Variants in NKPD1 observed in about 807,000 individuals in gnomAD.
NKPD1 encodes the protein NTPase KAP family P-loop domain containing 1.
Under a neutral mutation model 42.2 loss-of-function variants are expected in NKPD1, and 37 were observed. The ratio of observed to expected loss-of-function variants is 0.88; its 90% CI spans 0.67 to 1.15. The LOEUF is 1.15. Among genes scored for constraint, NKPD1 ranks in the 50% most tolerant of loss-of-function variants. The pLI, the probability that NKPD1 is intolerant of heterozygous loss-of-function variation, is 0.00. For missense variants in NKPD1, 1,113 were observed against 1,174.6 expected (o/e 0.95, Z 0.77); for synonymous variants, 552 against 536.5 (o/e 1.03, Z -0.40).
Position 45,153,238 on chromosome 19 carries a change from C to A in NKPD1, c.1199G>T (p.Gly400Val). 2 of 1,601,510 alleles carry A rather than the reference C, an allele frequency of 1.2e-6. No individual in the cohort carries two copies. Among genetic ancestry groups the A allele is most frequent in the East Asian group, 4.5e-5 (2 of 44,230 alleles). ...SGLLMAVYSV[G>V]KHLFVSQRKK... ...GCGCTGGCTTACGAACAGGTGCTTG[C>A]CCACCGAGTACACGGCCATGAGCAG... Residue 400 changes from glycine to valine, a missense_variant, in exon 5 of 5, where the codon GGC becomes GTC. Around this residue, in one of 3 missense-constraint regions of NKPD1, gnomAD observed 867 missense variants for 870.1 expected, o/e 1.00. Coordinates refer to ENST00000686631, the MANE Select transcript of NKPD1 (RefSeq NM_198478.4).
chr19:45,151,923 C>G lies in NKPD1; in HGVS notation c.*15G>C, dbSNP rs1010462575. ...GGAGGAACCCTTGCCTCCTGCTGCC[C>G]GCCAAGTCCTCCATTTAAGGCCCAC... On this transcript the variant is annotated 3_prime_UTR_variant, in exon 5 of 5. Transcript: ENST00000686631. The G allele has an allele frequency of 2.6e-6, 4 of 1,527,960 alleles. No individual in the cohort carries two copies. The African/African-American group carries it at 5.6e-5, about 21-fold the overall frequency. 94.7% of individuals were successfully genotyped at this position (1,527,960 alleles called of 1,614,324 possible).
Position 45,151,645 on chromosome 19 carries a change from G to C in NKPD1, c.*293C>G, listed in dbSNP as rs1968779353. 1 of 370,414 alleles carries C rather than the reference G, an allele frequency of 2.7e-6. No homozygotes were observed. Among genetic ancestry groups the C allele is most frequent in the Admixed American group, 4.4e-5 (1 of 22,596 alleles). 22.9% of individuals were successfully genotyped at this position (370,414 alleles called of 1,614,324 possible). On this transcript the variant is annotated 3_prime_UTR_variant, in exon 5 of 5. Transcript: ENST00000686631. ...CCTGTGGCAGGACGGGGCAGGCCTG[G>C]TCCCTGGTCAGATCAGGATGCGGAG...
upstream of NKPD1, among the ~76,000 whole-genome samples, chr19:45,162,339 C>T (rs377310505): frequency 6.6e-6 from 1 of 152,176 alleles, no homozygotes; most frequent in African/African-American, 2.4e-5. Context: ...GACGGGGTGA[C>T]TGGACCCCAC....
upstream of NKPD1, among the ~76,000 whole-genome samples, chr19:45,161,656 G>A (rs981092704): frequency 3.9e-5 from 6 of 152,186 alleles, no homozygotes; most frequent in South Asian, 2.1e-4. Context: ...TCCCAGGCTC[G>A]CCAAGGCTCT....
chr19:45,161,890 G>T (rs1424329294), upstream of NKPD1, among the ~76,000 whole-genome samples: 2 of 152,130 alleles, frequency 1.3e-5, no homozygotes, highest in Non-Finnish European at 1.5e-5. Flanking sequence ...CAGTGCCCAG[G>T]ACAAGATAAA....
Position 45,153,794 on chromosome 19 carries a change from G to C in NKPD1, c.662-19C>G, listed in dbSNP as rs1025504068. The C allele has an allele frequency of 1.5e-5, 22 of 1,432,020 alleles. No homozygotes were observed. In the Admixed American group the frequency reaches 5.6e-4, roughly 37 times the overall value. 88.7% of individuals were successfully genotyped at this position (1,432,020 alleles called of 1,614,324 possible). On this transcript the variant is annotated intron_variant, in intron 4 of 4. Coordinates refer to ENST00000686631, the MANE Select transcript of NKPD1 (RefSeq NM_198478.4). ...ATCAGCGCTGCGGGAAGGGAGCCCG[G>C]GAGCCGCGTGAGCCGCAGACCCGCC...
Position 45,152,639 on chromosome 19 carries a change from C to T in NKPD1, c.1798G>A (p.Ala600Thr). ...CGCTCGTCGTGAAGGCAGAAGAGCG[C>T]CTCCTGGATTCGCCGCGCCGCCTCG... is the stretch of plus-strand genomic sequence containing the variant. ...DDEAARRIQEALFCLHDERDC... is the reference protein window; with the variant it reads ...DDEAARRIQETLFCLHDERDC... Residue 600 changes from alanine (A) to threonine (T), a missense_variant, in exon 5 of 5, where the codon GCG (alanine) becomes ACG (threonine). By Grantham distance (58) the Ala-to-Thr change is moderately conservative. Transcript: ENST00000686631. The T allele has an allele frequency of 6.4e-7, 1 of 1,563,356 alleles. No homozygotes were observed. Among genetic ancestry groups the T allele is most frequent in the Non-Finnish European group, 8.6e-7 (1 of 1,164,660 alleles).
At position 45,152,077 on chromosome 19, in the gene NKPD1, G is replaced by A. The variant is rs746837906; in HGVS notation, c.2360C>T (p.Ser787Phe). 1 of 1,607,474 alleles carries A rather than the reference G, an allele frequency of 6.2e-7. No individual in the cohort carries two copies. The highest frequency in any genetic ancestry group is 8.5e-7 in the Non-Finnish European group (1 of 1,177,794). ...PHAAHRANSA[S>F]RAPPSGRASG... is the part of the protein sequence containing the mutation. Reference sequence around the variant, plus strand: ...GGCACGGCCCGACGGGGGCGCCCTGGAGGCGCTGTTGGCCCGGTGGGCAGC... The same window carrying A: ...GGCACGGCCCGACGGGGGCGCCCTGAAGGCGCTGTTGGCCCGGTGGGCAGC... Residue 787 changes from serine to phenylalanine, a missense_variant, in exon 5 of 5, where the codon TCC (serine) becomes TTC (phenylalanine). Physicochemically the swap from Ser to Phe is radical, Grantham distance 155. This residue lies in a region of NKPD1 where 867 missense variants were observed against 870.1 expected (regional missense o/e 1.00). Transcript: ENST00000686631.
chr19:45,153,177 G>A lies in NKPD1; in HGVS notation c.1260C>T (p.Phe420=), dbSNP rs1212579230. The change falls in exon 5 of 5, where the codon TTC becomes TTT. Residue 420 remains phenylalanine (F), a synonymous_variant. Transcript: ENST00000686631. The part of the protein sequence containing the change: ...KIERLVSREK[F]GSQLGFMCEV... Reference sequence around the variant, plus strand: ...CGCACATGAAACCCAGCTGGCTGCCGAACTTTTCACGCGACACCAGCCGCT... The same window carrying A: ...CGCACATGAAACCCAGCTGGCTGCCAAACTTTTCACGCGACACCAGCCGCT... The A allele has an allele frequency of 1.3e-6, 2 of 1,582,876 alleles. No individual in the cohort carries two copies. Among genetic ancestry groups the A allele is most frequent in the Non-Finnish European group, 1.7e-6 (2 of 1,165,452 alleles).
At chr19:45,154,376 G>A (rs1968862263) in intron 4 of NKPD1, among the ~76,000 whole-genome samples, 1 of 152,222 alleles carries the variant, frequency 6.6e-6, no homozygotes, top group Non-Finnish European at 1.5e-5. Flanking sequence ...AGCCGGAAGG[G>A]CAGGGTCCTG....
Position 45,152,804 on chromosome 19 carries a change from C to G in NKPD1, c.1633G>C (p.Val545Leu). The change falls in exon 5 of 5, where the codon GTG becomes CTG. Residue 545 changes from valine (V) to leucine (L), a missense_variant. This residue lies in a region of NKPD1 where 867 missense variants were observed against 870.1 expected (regional missense o/e 1.00). Coordinates refer to ENST00000686631, the MANE Select transcript of NKPD1 (RefSeq NM_198478.4). ...RTKLQFLHDA[V>L]QSRDDLLYRE... ...TACAACAGGTCGTCGCGGCTCTGCA[C>G]CGCATCGTGCAGGAACTGCAGCTTG... 6.2e-7 allele frequency: 1 copy of G among 1,601,404 alleles called. No individual in the cohort carries two copies. Among genetic ancestry groups the G allele is most frequent in the East Asian group, 2.3e-5 (1 of 44,256 alleles).
Position 45,152,143 on chromosome 19 carries a change from G to C in NKPD1, c.2294C>G (p.Pro765Arg). 1 of 1,600,492 alleles carries C rather than the reference G, an allele frequency of 6.2e-7. No homozygotes were observed. The highest frequency in any genetic ancestry group is 8.5e-7 in the Non-Finnish European group (1 of 1,174,514). The change falls in exon 5 of 5, where the codon CCG becomes CGG. Residue 765 changes from proline (P) to arginine (R), a missense_variant. Around this residue, in one of 3 missense-constraint regions of NKPD1, gnomAD observed 867 missense variants for 870.1 expected, o/e 1.00. Coordinates refer to ENST00000686631, the MANE Select transcript of NKPD1 (RefSeq NM_198478.4). ...GGTAGGGGACTTGGGCGGGCTGGGC[G>C]GCTTGAGCGCGCTGACGGCTCGGAT... ...GLIRAVSALK[P>R]PSPPKSPTRD...
At chr19:45,161,162 G>A (rs536670243), upstream of NKPD1, among the ~76,000 whole-genome samples, 2 of 152,230 alleles carry the variant, frequency 1.3e-5, no homozygotes, top group Non-Finnish European at 2.9e-5. Context: ...GAACGGAGAT[G>A]CATCCCGCAG....
intron 4 of NKPD1, chr19:45,153,977 G>C: frequency 2.0e-6 from 1 of 495,762 alleles, no homozygotes; most frequent in Non-Finnish European, 3.3e-6. Flanking sequence ...AGCCGGGCTT[G>C]GACCGGAAGC....
rs979168477 is a variant in NKPD1, at chr19:45,151,679, C to T, written c.*259G>A. ...CAGATCAGGATGCGGAGAGCAACTC[C>T]GGGCTCTCAACACCTCCATTTATTG... On this transcript the variant is annotated 3_prime_UTR_variant, in exon 5 of 5. Coordinates refer to ENST00000686631, the MANE Select transcript of NKPD1 (RefSeq NM_198478.4). 10 of 442,124 alleles carry T rather than the reference C, an allele frequency of 2.3e-5. No individual in the cohort carries two copies. The highest frequency in any genetic ancestry group is 3.2e-5 in the Non-Finnish European group (8 of 251,364). 27.4% of individuals were successfully genotyped at this position (442,124 alleles called of 1,614,324 possible). A position where few individuals can be genotyped will look rare whatever the true frequency, so the allele number is the denominator to read the frequency against.
rs1968782827 is a variant in NKPD1 at position 45,151,843 on chromosome 19, T to G, written c.*95A>C. ...GGGGTGTGGGCCTCACAGGGCTCAT[T>G]CGGACCCTGGGTTGCGGCCCCAGTC... On this transcript the variant is annotated 3_prime_UTR_variant, in exon 5 of 5. Transcript: ENST00000686631. 1.5e-6 allele frequency: 2 copies of G among 1,336,616 alleles called. No homozygotes were observed. Among genetic ancestry groups the G allele is most frequent in the East Asian group, 5.4e-5 (2 of 37,130 alleles). 82.8% of individuals were successfully genotyped at this position (1,336,616 alleles called of 1,614,324 possible).
At chr19:45,159,951 A>G in intron 2 of NKPD1, 109 bp downstream of exon 2, 1 of 508,830 alleles carries the variant, frequency 2.0e-6, no homozygotes, top group South Asian at 2.0e-5. Flanking sequence ...GTGGAGTGCA[A>G]GTGGCTTTTC....
chr19:45,161,735 G>T (rs575437235), upstream of NKPD1, among the ~76,000 whole-genome samples: 1 of 152,232 alleles, frequency 6.6e-6, no homozygotes, highest in African/African-American at 2.4e-5. Context: ...GGTGAGGGCC[G>T]GGGTAAGGCT....
At chr19:45,160,754 G>A (rs979310131) in intron 1 of NKPD1, among the ~76,000 whole-genome samples, 171 bp downstream of exon 1, 13 of 152,080 alleles carry the variant, frequency 8.5e-5, no homozygotes, top group African/African-American at 2.7e-4. Context: ...CAGCAAACTC[G>A]GGCAAGATGG....
Sources: gnomAD v4.1 joint callset for allele counts (sites outside exome capture counted in the v4.1 genomes callset) on GRCh38, gnomAD v4.1.1 for gene constraint, gnomAD v4.1.1 regional missense constraint, MANE v1.5 for transcripts, NCBI Gene and HGNC (gene_info 2026-07-23, HGNC 2026-07-21) for gene names.